The following RNLS variants were observed in gnomAD, a reference collection of about 807,000 sequenced individuals.
The protein encoded by RNLS is renalase.
A neutral mutation model predicts 39.8 loss-of-function variants in RNLS; 39 were observed. The ratio of observed to expected loss-of-function variants is 0.98; its 90% CI spans 0.76 to 1.28. The LOEUF is 1.28. Among genes scored for constraint, RNLS ranks in the 50% most tolerant of loss-of-function variants. RNLS has a pLI of 0.00. For missense variants in RNLS, 410 were observed against 413.3 expected, an observed-to-expected ratio of 0.99 and a Z score of 0.07; for synonymous variants, 147 against 150.7, an observed-to-expected ratio of 0.98 and a Z score of 0.18.
At chr10:88,404,284 G>A (rs1169359604) in intron 4 of RNLS, among the ~76,000 whole-genome samples, 4 of 152,026 alleles carry the variant, frequency 2.6e-5, no homozygotes, top group African/African-American at 9.7e-5. Context: ...ATTGATCTTG[G>A]TTTCAATCCT....
intron 4 of RNLS, among the ~76,000 whole-genome samples, chr10:88,530,694 C>T (rs1847370948): frequency 6.6e-6 from 1 of 152,028 alleles, no homozygotes; most frequent in Non-Finnish European, 1.5e-5. Flanking sequence ...TTTGCTTTTG[C>T]TTTTCTTAAA....
At chr10:88,376,817 T>A (rs1297170351) in intron 4 of RNLS, among the ~76,000 whole-genome samples, 3 of 152,170 alleles carry the variant, frequency 2.0e-5, no homozygotes, top group Non-Finnish European at 4.4e-5. Flanking sequence ...TATAAAATCA[T>A]ACATTCACAT....
intron 4 of RNLS, among the ~76,000 whole-genome samples, chr10:88,459,397 T>A (rs916922024): frequency 2.6e-5 from 4 of 152,148 alleles, no homozygotes; most frequent in Admixed American, 2.6e-4. Context: ...AATCCACTAC[T>A]TTTATTGGAA....
chr10:88,581,290 G>A (rs1306608128), intron 3 of RNLS, among the ~76,000 whole-genome samples: 4 of 135,492 alleles, frequency 3.0e-5, no homozygotes, highest in East Asian at 2.0e-4. Context: ...ATGTGTGTGT[G>A]TGTGTATATA....
intron 4 of RNLS, among the ~76,000 whole-genome samples, chr10:88,395,205 T>TA (rs540216349): frequency 2.5e-4 from 29 of 116,318 alleles, no homozygotes; most frequent in African/African-American, 8.0e-4. Context: ...ATAATAAAAT[T>TA]AAAAAAAAAG....
At chr10:88,364,640 A>T (rs770146796) in intron 4 of RNLS, among the ~76,000 whole-genome samples, 3 of 152,140 alleles carry the variant, frequency 2.0e-5, no homozygotes, top group Non-Finnish European at 4.4e-5. Context: ...TTCTCCTGTG[A>T]CATTAATGGC....
chr10:88,382,070 G>C (rs1851550028), intron 4 of RNLS, among the ~76,000 whole-genome samples: 2 of 152,030 alleles, frequency 1.3e-5, no homozygotes, highest in African/African-American at 4.8e-5. Flanking sequence ...GACTGTATAT[G>C]TTGCTTTTAT....
At chr10:88,238,170 A>G in the RNLS span, among the ~76,000 whole-genome samples, 2 of 152,228 alleles carry the variant, frequency 1.3e-5, no homozygotes, top group African/African-American at 4.8e-5. Context: ...ACAAGAACCA[A>G]TGCTGGATTT....
chr10:88,305,008 T>C (rs1384312592), intron 6 of RNLS, among the ~76,000 whole-genome samples: 2 of 152,164 alleles, frequency 1.3e-5, no homozygotes, highest in Non-Finnish European at 2.9e-5. Flanking sequence ...GCAGAAACTC[T>C]ACAAGCCAGA....
chr10:88,540,972 T>G (rs989161214), intron 4 of RNLS, among the ~76,000 whole-genome samples: 1 of 144,650 alleles, frequency 6.9e-6, no homozygotes, highest in African/African-American at 2.6e-5. Flanking sequence ...ATGGTCATCA[T>G]AAGTCCCTCC....
chr10:88,488,492 G>A (rs945090500), intron 4 of RNLS, among the ~76,000 whole-genome samples: 5 of 145,916 alleles, frequency 3.4e-5, no homozygotes, highest in African/African-American at 1.0e-4. Context: ...GTTGTGGTGA[G>A]CTGACATTGC....
At chr10:88,176,371 T>C in the RNLS span, among the ~76,000 whole-genome samples, 1 of 152,130 alleles carries the variant, frequency 6.6e-6, no homozygotes, top group Non-Finnish European at 1.5e-5. Context: ...AGATGGGGTT[T>C]CACCATTTTG....
intron 4 of RNLS, among the ~76,000 whole-genome samples, chr10:88,365,516 AACACACAC>A (rs61386966): frequency 0.047 from 6,923 of 145,844 alleles, 317 homozygotes; most frequent in African/African-American, 0.12. Flanking sequence ...AGGATTATAT[AACACACAC>A]ACACACACAC....
At chr10:88,343,870 A>G in intron 5 of RNLS, 1 of 963,774 alleles carries the variant, frequency 1.0e-6, no homozygotes, top group Non-Finnish European at 1.2e-6. Context: ...CCTGGAGCAG[A>G]GGATTTGTCC....
chr10:88,511,406 A>G (rs1355439993), intron 4 of RNLS, among the ~76,000 whole-genome samples: 1 of 152,140 alleles, frequency 6.6e-6, no homozygotes, highest in African/African-American at 2.4e-5. Flanking sequence ...GAAAGAATGT[A>G]AAGGAAAGAA....
chr10:88,350,627 A>C (rs1848623013), intron 5 of RNLS, among the ~76,000 whole-genome samples: 1 of 152,050 alleles, frequency 6.6e-6, no homozygotes, highest in African/African-American at 2.4e-5. Flanking sequence ...AATCCAGTCT[A>C]TCATTGTTGG....
intron 4 of RNLS, among the ~76,000 whole-genome samples, chr10:88,415,348 G>A (rs1421863850): frequency 2.6e-5 from 4 of 152,192 alleles, no homozygotes; most frequent in Admixed American, 6.5e-5. Context: ...ATTCAAGAGT[G>A]CATTGAGGTT....
intron 4 of RNLS, among the ~76,000 whole-genome samples, chr10:88,536,788 A>C (rs1431581250): frequency 1.3e-5 from 2 of 152,070 alleles, no homozygotes; most frequent in African/African-American, 4.8e-5. Context: ...CCTATCCTTC[A>C]CAGCAGCACC....
intron 4 of RNLS, among the ~76,000 whole-genome samples, 196 bp from the exon 5 acceptor site, chr10:88,362,921 G>GTT (rs1849754275): frequency 1.3e-5 from 2 of 152,090 alleles, no homozygotes; most frequent in Non-Finnish European, 2.9e-5. Context: ...TTGGCAAATT[G>GTT]TTTTTATCAA....
Sources: allele counts gnomAD v4.1 joint callset (sites outside exome capture counted in the v4.1 genomes callset), GRCh38; gene constraint gnomAD v4.1.1; transcripts MANE v1.5; gene names NCBI Gene and HGNC (gene_info 2026-07-23, HGNC 2026-07-21).